ANKRD35: variants seen among roughly 807,000 people sequenced by gnomAD.
The protein encoded by ANKRD35 is ankyrin repeat domain-containing protein 35.
Under a neutral mutation model 109.9 loss-of-function variants are expected in ANKRD35, and 102 were observed. That is an observed-to-expected ratio of 0.93 (90% CI 0.79 to 1.09). The LOEUF is 1.09. Among genes scored for constraint, ANKRD35 ranks in the 50% least tolerant of loss-of-function variants. The pLI, the probability that ANKRD35 is intolerant of heterozygous loss-of-function variation, is 0.00. For synonymous variants in ANKRD35, 515 were observed against 512.4 expected, an observed-to-expected ratio of 1.01 and a Z score of -0.07; for missense variants, 1,240 against 1,230.1, an observed-to-expected ratio of 1.01 and a Z score of -0.12.
Position 145,871,121 on chromosome 1 carries a change from TTTTC to T in ANKRD35, c.2787+857_2787+860del, listed in dbSNP as rs146033160. ...TATCTAATAGTGGTTTTCAAGCTTT[TTTTC>T]TTTCTTTCTTTCTTTCTTTTCTTTT... is the stretch of plus-strand genomic sequence containing the variant. On this transcript the variant is annotated intron_variant, in intron 10 of 13. Coordinates refer to ENST00000355594, the MANE Select transcript of ANKRD35 (RefSeq NM_144698.5). Among the ~76,000 whole-genome samples the T allele has an allele frequency of 3.9e-3, 440 of 112,398 alleles. 2 individuals are homozygous for T. The highest frequency in any genetic ancestry group is 0.013 in the African/African-American group (397 of 29,862). The allele number at this position is 112,398 out of a possible 152,430, so 73.7% of individuals were successfully genotyped here.
At position 145,879,268 on chromosome 1, in the gene ANKRD35, C is replaced by A; in HGVS notation, c.160G>T (p.Gly54Cys). ...SARPTKLDSNGQSPFHLAASK... is the reference protein window; with the variant it reads ...SARPTKLDSNCQSPFHLAASK... The stretch of plus-strand genomic sequence containing the variant: ...GGAGGACTGACTTACGGGGACTGGC[C>A]ATTCGAGTCAAGCTTGGTGGGTCGG... The change falls in exon 2 of 14, where the codon GGC becomes TGC. Residue 54 changes from glycine to cysteine, a missense_variant. Gly to Cys is a radical substitution (Grantham distance 159). Transcript: ENST00000355594. The A allele has an allele frequency of 6.2e-7, 1 of 1,607,330 alleles. No homozygotes were observed. The highest frequency in any genetic ancestry group is 8.5e-7 in the Non-Finnish European group (1 of 1,176,998).
At chr1:145,868,578 C>T (rs1482265123) in intron 10 of ANKRD35, among the ~76,000 whole-genome samples, 178 bp from the exon 11 acceptor site, 6 of 152,192 alleles carry the variant, frequency 3.9e-5, no homozygotes, top group Admixed American at 3.9e-4. Flanking sequence ...GGAATAACAA[C>T]GTAAAAGCTA....
In ANKRD35 at chr1:145,872,024, C is replaced by G; in HGVS notation, c.2745G>C (p.Lys915Asn). 6.2e-7 allele frequency: 1 copy of G among 1,613,292 alleles called. No individual in the cohort carries two copies. The highest frequency in any genetic ancestry group is 8.5e-7 in the Non-Finnish European group (1 of 1,179,988). Residue 915 changes from lysine (K) to asparagine (N), a missense_variant, in exon 10 of 14, where the codon AAG becomes AAC. Lys to Asn is a moderately conservative substitution (Grantham distance 94). Transcript: ENST00000355594. ...FEKTAELLKEKMEHLIGACRD... is the reference protein window; with the variant it reads ...FEKTAELLKENMEHLIGACRD... ...GGCAAGCCCCAATGAGATGCTCCATCTTCTCTTTCAGCAGCTCTGCCGTTT... is the reference window on the plus strand; with the variant it reads ...GGCAAGCCCCAATGAGATGCTCCATGTTCTCTTTCAGCAGCTCTGCCGTTT...
chr1:145,885,088 A>G (rs782088857), intron 1 of ANKRD35, among the ~76,000 whole-genome samples: 1 of 152,192 alleles, frequency 6.6e-6, no homozygotes, highest in Non-Finnish European at 1.5e-5. Context: ...GGGAGCATCA[A>G]TTGGAAAAAG....
intron 10 of ANKRD35, among the ~76,000 whole-genome samples, chr1:145,871,153 C>CTTTTTTTTTTTTTTTTTTTTTTTTTTT (rs59433424): frequency 2.2e-4 from 17 of 78,100 alleles, no homozygotes; most frequent in Non-Finnish European, 3.9e-4. Flanking sequence ...TTTCTTTTTT[C>CTTTTTTTTTTTTTTTTTTTTTTTTTTT]TTTTTTTTTT....
At chr1:145,875,472 T>C (rs1654032929) in intron 7 of ANKRD35, among the ~76,000 whole-genome samples, 1 of 152,022 alleles carries the variant, frequency 6.6e-6, no homozygotes, top group African/African-American at 2.4e-5. Context: ...ATGCCATTCC[T>C]TAGAGCTGCA....
rs1553739596 is a variant in ANKRD35 at position 145,874,036 on chromosome 1, C to T, written c.784-51G>A. ...TGTGGCCACTAGGCAACGAACTGAG[C>T]CCTAGGAGTGCCTTTCTTCTCTTAA... On this transcript the variant is annotated intron_variant, in intron 9 of 13. Transcript: ENST00000355594. The T allele has an allele frequency of 1.9e-6, 3 of 1,611,484 alleles. No homozygotes were observed. In the African/African-American group the frequency reaches 4.0e-5, roughly 22 times the overall value.
intron 10 of ANKRD35, among the ~76,000 whole-genome samples, chr1:145,870,237 G>A (rs1223083017): frequency 4.0e-5 from 6 of 151,392 alleles, no homozygotes; most frequent in Non-Finnish European, 5.9e-5. Context: ...GAGTACAGGC[G>A]CCCACCACCA....
chr1:145,874,755 A>C, intron 8 of ANKRD35, 67 bp downstream of exon 8: 2 of 1,460,206 alleles, frequency 1.4e-6, no homozygotes, highest in Non-Finnish European at 1.8e-6. Flanking sequence ...CTTCCATGGA[A>C]ACAAATGGGA....
In ANKRD35 at chr1:145,873,201, C is replaced by T. The variant is rs372882261; in HGVS notation, c.1568G>A (p.Gly523Glu). 39 of 1,613,990 alleles carry T rather than the reference C, an allele frequency of 2.4e-5. No individual in the cohort carries two copies. The highest frequency in any genetic ancestry group is 3.0e-5 in the Non-Finnish European group (35 of 1,180,032). Residue 523 changes from glycine (G) to glutamate (E), a missense_variant, in exon 10 of 14, where the codon GGG becomes GAG. Physicochemically the swap from Gly to Glu is moderately conservative, Grantham distance 98. Coordinates refer to ENST00000355594, the MANE Select transcript of ANKRD35 (RefSeq NM_144698.5). Reference protein sequence around the residue: ...LSRPVMEGALGTPRAEAAAAA... With the variant: ...LSRPVMEGALETPRAEAAAAA... Reference sequence around the variant, plus strand: ...TGCTGCTGCCTCAGCACGGGGAGTCCCCAGGGCTCCCTCCATGACCGGTCT... The same window carrying T: ...TGCTGCTGCCTCAGCACGGGGAGTCTCCAGGGCTCCCTCCATGACCGGTCT...
At chr1:145,883,352 T>C (rs1553741435) in intron 1 of ANKRD35, among the ~76,000 whole-genome samples, 1 of 152,212 alleles carries the variant, frequency 6.6e-6, no homozygotes, top group African/African-American at 2.4e-5. Context: ...CCCAAAGTGC[T>C]GGGATTACAG....
intron 4 of ANKRD35, among the ~76,000 whole-genome samples, chr1:145,877,476 C>T (rs1553740346): frequency 6.6e-6 from 1 of 152,160 alleles, no homozygotes; most frequent in Non-Finnish European, 1.5e-5. Flanking sequence ...TTGTGATCTG[C>T]CCACCTCCAT....
Position 145,873,465 on chromosome 1 carries a change from G to T in ANKRD35, c.1304C>A (p.Thr435Asn), listed in dbSNP as rs1553739368. 6.2e-7 allele frequency: 1 copy of T among 1,613,940 alleles called. No individual in the cohort carries two copies. Among genetic ancestry groups the T allele is most frequent in the South Asian group, 1.1e-5 (1 of 91,058 alleles). Residue 435 changes from threonine to asparagine, a missense_variant, in exon 10 of 14, where the codon ACC (threonine) becomes AAC (asparagine). By Grantham distance (65) the Thr-to-Asn change is moderately conservative. Coordinates refer to ENST00000355594, the MANE Select transcript of ANKRD35 (RefSeq NM_144698.5). ...QGPPQSPASE[T>N]IRKATGQQLT... ...TTGCTGTCCTGTGGCTTTCCTGATG[G>T]TCTCAGACGCTGGGCTCTGGGGTGG... is the stretch of plus-strand genomic sequence containing the variant.
In ANKRD35 at chr1:145,872,375, G is replaced by A; in HGVS notation, c.2394C>T (p.Ala798=). The A allele has an allele frequency of 6.2e-7, 1 of 1,613,086 alleles. No homozygotes were observed. The highest frequency in any genetic ancestry group is 8.5e-7 in the Non-Finnish European group (1 of 1,179,634). ...KLEEELRAVQ[A]TMSGKSQEIG... is the part of the protein sequence containing the mutation. Reference sequence around the variant, plus strand: ...TCTCCTGGCTCTTCCCGCTCATCGTGGCCTGAACTGCCCGCAGCTCTTCCT... The same window carrying A: ...TCTCCTGGCTCTTCCCGCTCATCGTAGCCTGAACTGCCCGCAGCTCTTCCT... Residue 798 remains alanine, a synonymous_variant, in exon 10 of 14, where the codon GCC becomes GCT. Coordinates refer to ENST00000355594, the MANE Select transcript of ANKRD35 (RefSeq NM_144698.5).
intron 12 of ANKRD35, 111 bp from the exon 13 acceptor site, chr1:145,867,503 T>A: frequency 1.2e-6 from 1 of 851,034 alleles, no homozygotes; most frequent in Non-Finnish European, 1.9e-6. Context: ...ACTATATACC[T>A]TCACTTATAG....
Position 145,876,054 on chromosome 1 carries a change from A to T in ANKRD35, c.560+86T>A, listed in dbSNP as rs1365819783. On this transcript the variant is annotated intron_variant, in intron 7 of 13. Transcript: ENST00000355594. Reference sequence around the variant, plus strand: ...CCTGACTTCTTCCCCAACACACACAAACACACACACACACACGTTGCCCAC... The same window carrying T: ...CCTGACTTCTTCCCCAACACACACATACACACACACACACACGTTGCCCAC... The T allele has an allele frequency of 2.7e-6, 3 of 1,111,816 alleles. No individual in the cohort carries two copies. The African/African-American group carries it at 4.7e-5, about 17-fold the overall frequency. The allele number at this position is 1,111,816 out of a possible 1,614,324, so 68.9% of individuals were successfully genotyped here. A position where few individuals can be genotyped will look rare whatever the true frequency, so the allele number is the denominator to read the frequency against.
intron 1 of ANKRD35, among the ~76,000 whole-genome samples, chr1:145,883,089 T>C (rs1271876220): frequency 1.4e-5 from 2 of 145,940 alleles, no homozygotes; most frequent in Non-Finnish European, 3.0e-5. Flanking sequence ...TTTTTTTTTT[T>C]TTTTTTTTTT....
intron 7 of ANKRD35, 37 bp downstream of exon 7, chr1:145,876,103 G>A (rs1553739997): frequency 1.3e-6 from 2 of 1,586,694 alleles, no homozygotes; most frequent in Non-Finnish European, 8.6e-7. Flanking sequence ...AATTGGTCAG[G>A]CATGGGAATT....
intron 13 of ANKRD35, 41 bp downstream of exon 13, chr1:145,867,246 T>C (rs1553737860): frequency 2.2e-6 from 3 of 1,391,132 alleles, no homozygotes; most frequent in Non-Finnish European, 3.1e-6. Context: ...AAGCCCTTTC[T>C]CCCAAACTCC....
Sources: gnomAD v4.1 joint callset for allele counts (sites outside exome capture counted in the v4.1 genomes callset) on GRCh38, gnomAD v4.1.1 for gene constraint, MANE v1.5 for transcripts, NCBI Gene and HGNC (gene_info 2026-07-23, HGNC 2026-07-21) for gene names.